Variants in COMMD10 observed in about 807,000 individuals in gnomAD.
The protein encoded by COMMD10 is COMM domain containing 10.
In COMMD10, 33 loss-of-function variants were observed where a neutral mutation model predicts 28.9. The ratio of observed to expected loss-of-function variants is 1.14; its 90% confidence interval spans 0.87 to 1.53. The LOEUF is 1.53. COMMD10 is among the 40% of genes most tolerant of loss of function. The pLI, the probability that COMMD10 is intolerant of heterozygous loss-of-function variation, is 0.00. For missense variants in COMMD10, 310 were observed against 233.4 expected (o/e 1.33, Z -2.14); for synonymous variants, 110 against 81.7 (o/e 1.35, Z -1.87).
chr5:116,115,227 G>A (rs1364681535), intron 4 of COMMD10, among the ~76,000 whole-genome samples: 2 of 152,104 alleles, frequency 1.3e-5, no homozygotes, highest in Non-Finnish European at 1.5e-5. Flanking sequence ...AGGTTTGGGA[G>A]GGTCAAGATA....
chr5:116,104,909 G>A (rs558035728), intron 4 of COMMD10, among the ~76,000 whole-genome samples: 7 of 152,224 alleles, frequency 4.6e-5, no homozygotes, highest in East Asian at 1.9e-4. Flanking sequence ...GTGAGCCACC[G>A]CACCCAGCCT....
At chr5:116,105,879 G>C (rs571628085) in intron 4 of COMMD10, among the ~76,000 whole-genome samples, 1 of 152,022 alleles carries the variant, frequency 6.6e-6, no homozygotes, top group African/African-American at 2.4e-5. Context: ...CTAAGGGTCT[G>C]TGTATTTTGT....
At chr5:116,120,070 C>T (rs944418216) in intron 4 of COMMD10, among the ~76,000 whole-genome samples, 11 of 152,006 alleles carry the variant, frequency 7.2e-5, no homozygotes, top group Admixed American at 3.3e-4. Context: ...TATAGCGGCA[C>T]AATTTGCAAT....
chr5:116,117,733 T>C (rs1163456708), intron 4 of COMMD10, among the ~76,000 whole-genome samples: 1 of 152,166 alleles, frequency 6.6e-6, no homozygotes, highest in Admixed American at 6.5e-5. Context: ...CCCAAAATAC[T>C]AGGATTACAG....
intron 5 of COMMD10, among the ~76,000 whole-genome samples, chr5:116,241,240 A>T (rs1749799479): frequency 6.6e-6 from 1 of 152,204 alleles, no homozygotes. Flanking sequence ...AATTAGTTTA[A>T]CCGTAGGTGG....
chr5:116,178,185 A>G (rs1004017674), intron 5 of COMMD10, among the ~76,000 whole-genome samples: 1 of 152,110 alleles, frequency 6.6e-6, no homozygotes, highest in Non-Finnish European at 1.5e-5. Flanking sequence ...TAAATGAATG[A>G]TGGAGTTGAG....
chr5:116,135,984 A>T (rs112579597), intron 5 of COMMD10, among the ~76,000 whole-genome samples: 156 of 152,326 alleles, frequency 1.0e-3, no homozygotes, highest in African/African-American at 3.6e-3. Flanking sequence ...TAGTATATGT[A>T]AAGTGTTTAG....
At chr5:116,107,974 CCT>C (rs1224671629) in intron 4 of COMMD10, among the ~76,000 whole-genome samples, 1 of 152,166 alleles carries the variant, frequency 6.6e-6, no homozygotes, top group Non-Finnish European at 1.5e-5. Context: ...CACTCCAGAC[CCT>C]GTTTGCCTGG....
At chr5:116,276,667 A>C (rs1460951989) in intron 5 of COMMD10, among the ~76,000 whole-genome samples, 1 of 151,900 alleles carries the variant, frequency 6.6e-6, no homozygotes, top group Admixed American at 6.6e-5. Flanking sequence ...TTAAATTAAG[A>C]TACAAGCCTT....
intron 4 of COMMD10, among the ~76,000 whole-genome samples, chr5:116,098,518 CTA>C (rs773992929): frequency 2.6e-5 from 4 of 152,080 alleles, no homozygotes; most frequent in Non-Finnish European, 5.9e-5. Flanking sequence ...GTGCTGAGTA[CTA>C]TGTTAAATCC....
intron 5 of COMMD10, among the ~76,000 whole-genome samples, chr5:116,177,503 TC>T (rs1261306571): frequency 1.4e-5 from 2 of 147,064 alleles, no homozygotes; most frequent in Non-Finnish European, 3.0e-5. Context: ...TATGATACTT[TC>T]CTGCTTAAAA....
chr5:116,279,242 C>G (rs1335380447), intron 5 of COMMD10, among the ~76,000 whole-genome samples: 1 of 151,758 alleles, frequency 6.6e-6, no homozygotes, highest in Non-Finnish European at 1.5e-5. Flanking sequence ...AATCATGGGC[C>G]AGAGTTTGGA....
intron 5 of COMMD10, among the ~76,000 whole-genome samples, chr5:116,162,232 A>G (rs867759574): frequency 2.0e-4 from 30 of 152,332 alleles, no homozygotes; most frequent in African/African-American, 7.0e-4. Context: ...CCAGTTATAC[A>G]GAAGTTGCAT....
chr5:116,206,130 T>C (rs1424839727), intron 5 of COMMD10, among the ~76,000 whole-genome samples: 1 of 152,184 alleles, frequency 6.6e-6, no homozygotes, highest in Non-Finnish European at 1.5e-5. Flanking sequence ...CCAAGGAGCT[T>C]CATATTTAGT....
intron 5 of COMMD10, among the ~76,000 whole-genome samples, chr5:116,144,209 T>C (rs1046831564): frequency 2.0e-5 from 3 of 151,836 alleles, no homozygotes; most frequent in African/African-American, 7.2e-5. Flanking sequence ...ATATTAGAAC[T>C]AACATTTAAA....
chr5:116,152,115 C>G (rs1424357959), intron 5 of COMMD10, among the ~76,000 whole-genome samples: 3 of 152,074 alleles, frequency 2.0e-5, no homozygotes, highest in Non-Finnish European at 4.4e-5. Flanking sequence ...TTGTTATGTA[C>G]CCAGTAGTCA....
chr5:116,267,792 C>T (rs1750633072), intron 5 of COMMD10, among the ~76,000 whole-genome samples: 1 of 151,748 alleles, frequency 6.6e-6, no homozygotes, highest in Admixed American at 6.6e-5. Context: ...AGACATAATA[C>T]CACACATCTA....
chr5:116,197,921 T>A (rs532219688), intron 5 of COMMD10, among the ~76,000 whole-genome samples: 1 of 152,180 alleles, frequency 6.6e-6, no homozygotes, highest in South Asian at 2.1e-4. Context: ...CAGTTCAGTT[T>A]AGCCCAGAAC....
At chr5:116,261,644 G>C (rs758244238) in intron 5 of COMMD10, among the ~76,000 whole-genome samples, 4 of 151,628 alleles carry the variant, frequency 2.6e-5, no homozygotes, top group Admixed American at 6.6e-5. Flanking sequence ...TATCCATTTT[G>C]TTGTCCTTAT....
Sources: allele counts gnomAD v4.1 joint callset (sites outside exome capture counted in the v4.1 genomes callset), GRCh38; gene constraint gnomAD v4.1.1; transcripts MANE v1.5; gene names NCBI Gene and HGNC (gene_info 2026-07-23, HGNC 2026-07-21).